The following ADGRA3 variants were observed in gnomAD, a reference collection of about 807,000 sequenced individuals.
ADGRA3 encodes G-protein coupled receptor 125.
In ADGRA3, 56 loss-of-function variants were observed where a neutral mutation model predicts 119.8. The observed-to-expected ratio is 0.47, with a 90% CI of 0.38 to 0.58. The LOEUF (loss-of-function observed/expected upper bound fraction) is 0.58. Among genes scored for constraint, ADGRA3 ranks in the 20% least tolerant of loss-of-function variants. The pLI is 0.00. For synonymous variants in ADGRA3, 607 were observed against 623.8 expected (o/e 0.97, Z 0.40); for missense variants, 1,516 against 1,649.0 (o/e 0.92, Z 1.40).
At chr4:22,501,897 TC>T (rs1719059285) in intron 1 of ADGRA3, among the ~76,000 whole-genome samples, 1 of 148,926 alleles carries the variant, frequency 6.7e-6, no homozygotes, top group Non-Finnish European at 1.5e-5. Flanking sequence ...TTCAACTTTA[TC>T]CCTGAGGGAA....
intron 5 of ADGRA3, among the ~76,000 whole-genome samples, chr4:22,446,295 G>A (rs144201225): frequency 6.8e-4 from 104 of 152,274 alleles, no homozygotes; most frequent in Admixed American, 1.1e-3. Context: ...ACACTACCAG[G>A]TAAAAACACT....
chr4:22,481,273 A>G (rs1718252979), intron 1 of ADGRA3, among the ~76,000 whole-genome samples: 2 of 152,170 alleles, frequency 1.3e-5, no homozygotes, highest in African/African-American at 4.8e-5. Flanking sequence ...GCCACCTGTG[A>G]TAAGCAAAAA....
chr4:22,458,374 G>A (rs1055638469), intron 3 of ADGRA3, among the ~76,000 whole-genome samples: 1 of 152,144 alleles, frequency 6.6e-6, no homozygotes, highest in African/African-American at 2.4e-5. Flanking sequence ...TCCCCTGCCT[G>A]TGTCTGGATA....
chr4:22,509,184 A>G (rs542603217), intron 1 of ADGRA3, among the ~76,000 whole-genome samples: 23 of 152,202 alleles, frequency 1.5e-4, no homozygotes, highest in Non-Finnish European at 2.6e-4. Context: ...ATGCCCCAGC[A>G]GAGAAACTCA....
chr4:22,495,904 G>A (rs867055695), intron 1 of ADGRA3, among the ~76,000 whole-genome samples: 10 of 148,794 alleles, frequency 6.7e-5, no homozygotes, highest in South Asian at 2.1e-4. Context: ...GCAAGACTCC[G>A]TCTCAAAAAA....
chr4:22,475,008 A>G lies in ADGRA3; in HGVS notation c.258-1165T>C, dbSNP rs187588043. On this transcript the variant is annotated intron_variant, in intron 1 of 18. Coordinates refer to ENST00000334304, the MANE Select transcript of ADGRA3 (RefSeq NM_145290.4). Reference sequence around the variant, plus strand: ...AACAACTTGGATTCCTGGTATTAATACAAAACAGCCATTTGGCATCTGATT... The same window carrying G: ...AACAACTTGGATTCCTGGTATTAATGCAAAACAGCCATTTGGCATCTGATT... 1.2e-3 allele frequency among the ~76,000 whole-genome samples: 187 copies of G among 152,344 alleles called. 1 individual carries two copies. The highest frequency in any genetic ancestry group is 4.1e-3 in the Admixed American group (63 of 15,310).
Position 22,462,304 on chromosome 4 carries a change from T to TTTG in ADGRA3, c.330-499_330-497dup, listed in dbSNP as rs540842421. 3.5e-3 allele frequency among the ~76,000 whole-genome samples: 534 copies of TTTG among 152,020 alleles called. 4 individuals are homozygous for TTTG. Among genetic ancestry groups the TTTG allele is most frequent in the African/African-American group, 0.012 (478 of 41,490 alleles). On this transcript the variant is annotated intron_variant, in intron 2 of 18. Coordinates refer to ENST00000334304, the MANE Select transcript of ADGRA3 (RefSeq NM_145290.4). ...TTCTATATTTAGGTTTTTGGGGTTT[T>TTTG]TTGTTGTTGTTGTTGTTGTTGTCAT...
intron 16 of ADGRA3, chr4:22,394,596 C>T (rs1225196388): frequency 6.6e-6 from 1 of 152,138 alleles, no homozygotes; most frequent in Non-Finnish European, 1.5e-5. Context: ...CAGATGCTGA[C>T]TCAAAATGGT....
At chr4:22,419,957 G>A (rs570549293) in intron 12 of ADGRA3, 14 of 152,470 alleles carry the variant, frequency 9.2e-5, no homozygotes, top group African/African-American at 3.4e-4. Context: ...GATTTTCTTG[G>A]GCAGTTGGGA....
intron 16 of ADGRA3, chr4:22,393,076 G>C: frequency 6.5e-6 from 1 of 153,326 alleles, no homozygotes; most frequent in Non-Finnish European, 1.4e-5. Flanking sequence ...ACCCAGGATA[G>C]AGTGCTGCAG....
At chr4:22,435,034 A>T (rs1339819323) in intron 10 of ADGRA3, among the ~76,000 whole-genome samples, 1 of 152,216 alleles carries the variant, frequency 6.6e-6, no homozygotes, top group Non-Finnish European at 1.5e-5. Flanking sequence ...CACAACGTGG[A>T]GGCAGAACAC....
At chr4:22,436,773 T>C in intron 8 of ADGRA3, 132 bp from the exon 9 acceptor site, 4 of 712,106 alleles carry the variant, frequency 5.6e-6, no homozygotes, top group Non-Finnish European at 9.3e-6. Flanking sequence ...TCATCAAAAC[T>C]GGGCTGGGAG....
chr4:22,455,578 C>G (rs1021909306), intron 3 of ADGRA3, among the ~76,000 whole-genome samples: 1 of 152,110 alleles, frequency 6.6e-6, no homozygotes. Flanking sequence ...TTTCTATTTC[C>G]TATTAAATAT....
intron 2 of ADGRA3, among the ~76,000 whole-genome samples, chr4:22,472,296 T>A (rs2109119054): frequency 6.6e-6 from 1 of 152,290 alleles, no homozygotes; most frequent in Non-Finnish European, 1.5e-5. Context: ...AAGGCAGTCT[T>A]GCTTCGACAG....
chr4:22,434,126 T>C (rs1716297969), intron 10 of ADGRA3, among the ~76,000 whole-genome samples: 1 of 148,468 alleles, frequency 6.7e-6, no homozygotes, highest in Non-Finnish European at 1.5e-5. Context: ...CTTATATATA[T>C]ATTATATATA....
At chr4:22,466,492 C>T (rs1381802296) in intron 2 of ADGRA3, among the ~76,000 whole-genome samples, 1 of 152,112 alleles carries the variant, frequency 6.6e-6, no homozygotes, top group Non-Finnish European at 1.5e-5. Flanking sequence ...TTTGGGAGGC[C>T]GAGGCAGGTG....
intron 1 of ADGRA3, among the ~76,000 whole-genome samples, chr4:22,505,418 C>T (rs1719202048): frequency 6.6e-6 from 1 of 151,902 alleles, no homozygotes; most frequent in African/African-American, 2.4e-5. Context: ...GTGCTTTGGG[C>T]AGCTGAGGTG....
intron 10 of ADGRA3, among the ~76,000 whole-genome samples, chr4:22,432,910 A>G (rs1056094568): frequency 1.3e-5 from 2 of 152,220 alleles, no homozygotes; most frequent in African/African-American, 4.8e-5. Flanking sequence ...TAATACAAAA[A>G]TCAATTTAAT....
intron 3 of ADGRA3, among the ~76,000 whole-genome samples, chr4:22,459,146 G>A (rs1300617736): frequency 6.6e-6 from 1 of 150,466 alleles, no homozygotes; most frequent in South Asian, 2.1e-4. Flanking sequence ...ACTTGCAAAA[G>A]CAATAAAAAA....
Sources: gnomAD v4.1 joint callset for allele counts (sites outside exome capture counted in the v4.1 genomes callset) on GRCh38, gnomAD v4.1.1 for gene constraint, MANE v1.5 for transcripts, NCBI Gene and HGNC (gene_info 2026-07-23, HGNC 2026-07-21) for gene names.